PRKAR1B: variants seen among roughly 807,000 people sequenced by gnomAD.
PRKAR1B encodes the protein protein kinase cAMP-dependent type I regulatory subunit beta, also known as cAMP-dependent protein kinase type I-beta regulatory subunit.
PRKAR1B carries 22 observed loss-of-function variants against 46.5 expected under a neutral mutation model. That is an observed-to-expected ratio of 0.47 (90% CI 0.34 to 0.68). The LOEUF is 0.68. Ranked by LOEUF, PRKAR1B falls within the 30% of genes least tolerant of loss-of-function variation. The pLI is 0.01. For missense variants in PRKAR1B, 445 were observed against 535.6 expected (o/e 0.83, Z 1.67); for synonymous variants, 259 against 217.7 (o/e 1.19, Z -1.67).
intron 4 of PRKAR1B, among the ~76,000 whole-genome samples, chr7:656,742 T>G (rs1353027909): frequency 6.6e-6 from 1 of 152,192 alleles, no homozygotes; most frequent in Non-Finnish European, 1.5e-5. Context: ...TGTAAATGCA[T>G]GGATGGATGA....
chr7:679,067 A>C (rs1176026986), intron 3 of PRKAR1B, among the ~76,000 whole-genome samples: 2 of 152,228 alleles, frequency 1.3e-5, no homozygotes, highest in Admixed American at 1.3e-4. Flanking sequence ...CAGCCTGGAC[A>C]ACAAGAGTGA....
At chr7:674,629 AACACCCAGCTATTCCAGCC>A (rs1330045958) in intron 4 of PRKAR1B, among the ~76,000 whole-genome samples, 3 of 145,566 alleles carry the variant, frequency 2.1e-5, no homozygotes, top group Admixed American at 6.8e-5. Flanking sequence ...CTACTCCAGC[AACACCCAGCTATTCCAGCC>A]ACACCCAGCT....
intron 9 of PRKAR1B, among the ~76,000 whole-genome samples, chr7:561,681 C>T (rs1328785254): frequency 6.6e-6 from 1 of 152,264 alleles, no homozygotes; most frequent in African/African-American, 2.4e-5. Context: ...GTCCTCGGGA[C>T]GACAGCGAAA....
chr7:704,400 T>C (rs1780206859), intron 2 of PRKAR1B, among the ~76,000 whole-genome samples: 1 of 152,120 alleles, frequency 6.6e-6, no homozygotes, highest in African/African-American at 2.4e-5. Context: ...ATACAAACAC[T>C]ACAGACATTA....
intron 4 of PRKAR1B, among the ~76,000 whole-genome samples, chr7:634,079 A>G (rs1343645686): frequency 6.6e-6 from 1 of 152,102 alleles, no homozygotes; most frequent in Non-Finnish European, 1.5e-5. Flanking sequence ...CTGCAGTGCA[A>G]TGGTGTGATC....
chr7:682,948 T>A (rs544164065), intron 2 of PRKAR1B, among the ~76,000 whole-genome samples: 4 of 152,216 alleles, frequency 2.6e-5, no homozygotes, highest in African/African-American at 9.6e-5. Flanking sequence ...CCTCCCGGCC[T>A]CACCCTGATC....
intron 4 of PRKAR1B, among the ~76,000 whole-genome samples, chr7:647,845 T>G (rs1215752529): frequency 2.0e-5 from 3 of 150,618 alleles, no homozygotes; most frequent in Non-Finnish European, 4.4e-5. Context: ...CCTCGCATGT[T>G]GTTTTTCAGT....
At chr7:583,528 C>T (rs113492467) in intron 8 of PRKAR1B, among the ~76,000 whole-genome samples, 41,989 of 122,630 alleles carry the variant, frequency 0.34, 8,813 homozygotes, top group African/African-American at 0.4. Context: ...CGCGTGCACA[C>T]ACCCACTCAC....
intron 9 of PRKAR1B, among the ~76,000 whole-genome samples, chr7:559,044 C>T (rs1200152401): frequency 2.0e-5 from 3 of 152,198 alleles, no homozygotes; most frequent in East Asian, 1.9e-4. Context: ...TCGGAGCTGC[C>T]GATGCATCTC....
rs753359092 is a variant in PRKAR1B at position 711,549 on chromosome 7, C to G, written c.-22-22G>C. 3.1e-6 allele frequency: 5 copies of G among 1,600,890 alleles called. No homozygotes were observed. The Admixed American group carries it at 6.7e-5, about 21-fold the overall frequency. On this transcript the variant is annotated intron_variant, in intron 1 of 10. Transcript: ENST00000537384. Reference sequence around the variant, plus strand: ...CTTCCTGTCCAGAAAACACACAGATCCCCAGGCCTGAGAGCTGCCCGGGGC... The same window carrying G: ...CTTCCTGTCCAGAAAACACACAGATGCCCAGGCCTGAGAGCTGCCCGGGGC...
intron 1 of PRKAR1B, among the ~76,000 whole-genome samples, chr7:718,295 C>T (rs11491888): frequency 0.32 from 43,725 of 135,548 alleles, 6,689 homozygotes; most frequent in South Asian, 0.43. Context: ...CACACACACA[C>T]ATACACATAT....
rs1390850335 is a variant in PRKAR1B at position 666,260 on chromosome 7, AT to A, written c.440+10968del. ...GGGACAGCCTTCATGGTCCTGGCAC[AT>A]CAGAGAGCTCCGGAACATGCGGGGC... is the stretch of plus-strand genomic sequence containing the variant. On this transcript the variant is annotated intron_variant, in intron 4 of 10. Transcript: ENST00000537384. This position sits in a 1 kb window ranked among gnomAD's most constrained non-coding sequence, Gnocchi z 4.9. Among the ~76,000 whole-genome samples the A allele has an allele frequency of 2.4e-3, 316 of 130,390 alleles. 2 individuals are homozygous for A. The highest frequency in any genetic ancestry group is 0.014 in the African/African-American group (307 of 22,738). 85.5% of individuals were successfully genotyped at this position (130,390 alleles called of 152,430 possible). A position where few individuals can be genotyped will look rare whatever the true frequency, so the allele number is the denominator to read the frequency against.
intron 9 of PRKAR1B, among the ~76,000 whole-genome samples, chr7:556,726 G>A (rs961406166): frequency 3.3e-5 from 5 of 152,120 alleles, no homozygotes; most frequent in Admixed American, 6.5e-5. Context: ...ACGCACCTCC[G>A]GCACGTCGAC....
rs33963335 is a variant in PRKAR1B, at chr7:706,422, A to ATTTTTTTTTT, written c.177+4897_177+4906dup. On this transcript the variant is annotated intron_variant, in intron 2 of 10. Transcript: ENST00000537384. ...GCTGTGTTTTGCCATCAAATAAGGA[A>ATTTTTTTTTT]TTTTTTTTTTTTTTTTTTTGAGACG... Among the ~76,000 whole-genome samples the ATTTTTTTTTT allele has an allele frequency of 9.8e-5, 10 of 102,294 alleles. 3 individuals carry two copies. Among genetic ancestry groups the ATTTTTTTTTT allele is most frequent in the Admixed American group, 2.4e-4 (2 of 8,432 alleles). 67.1% of individuals were successfully genotyped at this position (102,294 alleles called of 152,430 possible).
chr7:633,506 G>A (rs1392616291), intron 4 of PRKAR1B, among the ~76,000 whole-genome samples: 2 of 152,178 alleles, frequency 1.3e-5, no homozygotes, highest in African/African-American at 2.4e-5. Flanking sequence ...GCTTACACCT[G>A]TAGTCCCAAC....
intron 9 of PRKAR1B, among the ~76,000 whole-genome samples, chr7:562,737 C>G (rs866249728): frequency 2.6e-5 from 4 of 152,220 alleles, no homozygotes; most frequent in Non-Finnish European, 4.4e-5. Flanking sequence ...CGGCCAGCAG[C>G]ATTTCATCTT....
At chr7:693,922 T>G (rs1164205176) in intron 2 of PRKAR1B, among the ~76,000 whole-genome samples, 1 of 152,168 alleles carries the variant, frequency 6.6e-6, no homozygotes, top group African/African-American at 2.4e-5. Flanking sequence ...TATGTTTCAT[T>G]TTTGCTTTTG....
intron 1 of PRKAR1B, among the ~76,000 whole-genome samples, chr7:726,200 T>A (rs1781265256): frequency 6.6e-6 from 1 of 152,234 alleles, no homozygotes; most frequent in South Asian, 2.1e-4. Context: ...CGGCTACGCC[T>A]GAGATCTAAT....
At position 666,974 on chromosome 7, in the gene PRKAR1B, G is replaced by A. The variant is rs1235443592; in HGVS notation, c.440+10255C>T. ...TGATGATGGCGGTGATGATGATGAT[G>A]GTGATGATAAAGATGATGATGGCAA... On this transcript the variant is annotated intron_variant, in intron 4 of 10. Coordinates refer to ENST00000537384, the MANE Select transcript of PRKAR1B (RefSeq NM_001164760.2). The surrounding 1 kb of genome is among the most constrained non-coding windows in gnomAD (Gnocchi z 4.9). Among the ~76,000 whole-genome samples, 1 of 152,348 alleles carries A rather than the reference G, an allele frequency of 6.6e-6. No homozygotes were observed. The highest frequency in any genetic ancestry group is 1.9e-4 in the East Asian group (1 of 5,192).
Sources: allele counts gnomAD v4.1 joint callset (sites outside exome capture counted in the v4.1 genomes callset), GRCh38; gene constraint gnomAD v4.1.1; non-coding constraint Gnocchi (gnomAD v3.1); transcripts MANE v1.5; gene names NCBI Gene and HGNC (gene_info 2026-07-23, HGNC 2026-07-21).